MTMR3: variants seen among roughly 807,000 people sequenced by gnomAD.
MTMR3 encodes phosphatidylinositol-3,5-bisphosphate 3-phosphatase MTMR3.
MTMR3 carries 32 observed loss-of-function variants against 132.4 expected under a neutral mutation model. That is an observed-to-expected ratio of 0.24 (90% CI 0.18 to 0.32). MTMR3 has a LOEUF of 0.32. Among genes scored for constraint, MTMR3 ranks in the 10% least tolerant of loss-of-function variants. MTMR3 has a pLI of 1.00. For synonymous variants in MTMR3, 556 were observed against 550.3 expected, an observed-to-expected ratio of 1.01 and a Z score of -0.14; for missense variants, 1,216 against 1,489.6, an observed-to-expected ratio of 0.82 and a Z score of 3.02.
intron 5 of MTMR3, 107 bp downstream of exon 5, chr22:29,979,159 A>C (rs1028872051): frequency 1.3e-6 from 1 of 779,070 alleles, no homozygotes; most frequent in African/African-American, 1.7e-5. Flanking sequence ...GAGAGAAAGC[A>C]TTATGTGCTC....
intron 1 of MTMR3, among the ~76,000 whole-genome samples, chr22:29,933,936 C>T (rs1019432298): frequency 3.3e-5 from 5 of 152,036 alleles, no homozygotes; most frequent in African/African-American, 1.2e-4. Context: ...TGTGGTTGTC[C>T]AGCCATACAT....
chr22:29,943,011 A>C (rs1199805394), intron 1 of MTMR3, among the ~76,000 whole-genome samples: 4 of 152,176 alleles, frequency 2.6e-5, no homozygotes, highest in Non-Finnish European at 5.9e-5. Flanking sequence ...AGTGTCTGTG[A>C]AATCTTCATA....
intron 17 of MTMR3, 96 bp from the exon 18 acceptor site, chr22:30,021,933 A>T: frequency 4.2e-6 from 4 of 956,880 alleles, no homozygotes; most frequent in Non-Finnish European, 6.7e-6. Context: ...ACTCGGCCCC[A>T]CCCAGAGTCC....
At chr22:29,962,525 G>T (rs751044391) in intron 2 of MTMR3, among the ~76,000 whole-genome samples, 3 of 152,070 alleles carry the variant, frequency 2.0e-5, no homozygotes, top group Non-Finnish European at 2.9e-5. Context: ...AATAAAAATA[G>T]CCGGGTGTGG....
chr22:30,017,974 A>G lies in MTMR3; in HGVS notation c.1722A>G (p.Ala574=), dbSNP rs1288515607. 6.2e-7 allele frequency: 1 copy of G among 1,613,826 alleles called. No individual in the cohort carries two copies. The highest frequency in any genetic ancestry group is 1.1e-5 in the South Asian group (1 of 91,030). Residue 574 remains alanine, a synonymous_variant, in exon 16 of 20, where the codon GCA becomes GCG. Coordinates refer to ENST00000401950, the MANE Select transcript of MTMR3 (RefSeq NM_021090.4). ...TGCGTAACCTGATGCTGTGGAGTGCAGTGTACCTGCCCTGCCCATCCCCAA... is the reference window on the plus strand; with the variant it reads ...TGCGTAACCTGATGCTGTGGAGTGCGGTGTACCTGCCCTGCCCATCCCCAA... The part of the protein sequence containing the change: ...CHVRNLMLWS[A]VYLPCPSPTT...
intron 12 of MTMR3, 93 bp downstream of exon 12, chr22:30,009,222 A>T: frequency 1.1e-6 from 1 of 881,738 alleles, no homozygotes; most frequent in Non-Finnish European, 1.8e-6. Flanking sequence ...AGAAAAAAAA[A>T]TTAATTTGGA....
At chr22:30,007,431 C>T in intron 10 of MTMR3, 112 bp downstream of exon 10, 1 of 1,041,926 alleles carries the variant, frequency 9.6e-7, no homozygotes, top group Non-Finnish European at 1.4e-6. Flanking sequence ...AGTGAATGTG[C>T]AGAGCTTCAC....
chr22:29,952,951 A>T (rs1013982748), intron 1 of MTMR3, among the ~76,000 whole-genome samples: 15 of 152,226 alleles, frequency 9.9e-5, no homozygotes, highest in Non-Finnish European at 2.9e-5. Flanking sequence ...AGCTGAAAAA[A>T]ATCACCTAAA....
At chr22:29,963,166 C>T (rs560156202) in intron 2 of MTMR3, among the ~76,000 whole-genome samples, 3 of 152,080 alleles carry the variant, frequency 2.0e-5, no homozygotes, top group African/African-American at 7.2e-5. Flanking sequence ...GGGCTGGTCC[C>T]GAACTCCTGG....
chr22:30,011,945 C>CT lies in MTMR3; in HGVS notation c.1122-413dup, dbSNP rs575070672. 9.6e-3 allele frequency: 1,460 copies of CT among 151,702 alleles called. 21 individuals carry two copies. Among genetic ancestry groups the CT allele is most frequent in the African/African-American group, 0.028 (1,121 of 40,082 alleles). The allele number at this position is 151,702 out of a possible 1,614,324, so 9.4% of individuals were successfully genotyped here. ...ATGAGTTTTTCTTTTCTTTTCTTTT[C>CT]TTTTTTTTTTGAGAACTTGTTGGGC... On this transcript the variant is annotated intron_variant, in intron 12 of 19. Coordinates refer to ENST00000401950, the MANE Select transcript of MTMR3 (RefSeq NM_021090.4).
intron 19 of MTMR3, 39 bp from the exon 20 acceptor site, chr22:30,025,591 G>A: frequency 1.2e-6 from 2 of 1,610,380 alleles, no homozygotes; most frequent in Non-Finnish European, 1.7e-6. Flanking sequence ...CATACCTGCT[G>A]GCCAAAACTA....
intron 16 of MTMR3, chr22:30,018,391 A>T: frequency 4.2e-6 from 1 of 239,328 alleles, no homozygotes; most frequent in Non-Finnish European, 7.9e-6. Flanking sequence ...GCTCCTGCCT[A>T]TTTGCCATGA....
At chr22:29,973,014 C>T (rs886297169) in intron 3 of MTMR3, among the ~76,000 whole-genome samples, 1 of 152,206 alleles carries the variant, frequency 6.6e-6, no homozygotes, top group Non-Finnish European at 1.5e-5. Context: ...TCCTAATGAT[C>T]ATTTTACTAG....
At chr22:30,019,218 A>AG (rs2067684293) in intron 16 of MTMR3, 1 of 354,976 alleles carries the variant, frequency 2.8e-6, no homozygotes, top group African/African-American at 2.1e-5. Context: ...AAAAAAAAAA[A>AG]GAAAATAGCA....
At chr22:29,989,155 A>G (rs2066912645) in intron 6 of MTMR3, 1 of 152,206 alleles carries the variant, frequency 6.6e-6, no homozygotes, top group Non-Finnish European at 1.5e-5. Flanking sequence ...TACAGGATCC[A>G]GTCTAGGTCA....
chr22:29,933,733 G>GTTT (rs758195736), intron 1 of MTMR3, among the ~76,000 whole-genome samples: 69 of 124,094 alleles, frequency 5.6e-4, no homozygotes, highest in African/African-American at 1.6e-3. Flanking sequence ...GCAGTTCTGT[G>GTTT]TTTTTTTTTT....
chr22:29,994,957 A>G (rs2067033027), intron 7 of MTMR3: 1 of 152,264 alleles, frequency 6.6e-6, no homozygotes, highest in Non-Finnish European at 1.5e-5. Context: ...CTGAAAGCTA[A>G]AAGCTTCTCT....
chr22:30,019,386 A>G, intron 16 of MTMR3, 94 bp from the exon 17 acceptor site: 4 of 1,195,438 alleles, frequency 3.3e-6, no homozygotes, highest in Non-Finnish European at 4.6e-6. Context: ...TAATGGACCC[A>G]GTTATGAAAC....
chr22:29,975,406 T>C (rs2066610927), intron 3 of MTMR3, among the ~76,000 whole-genome samples: 1 of 152,216 alleles, frequency 6.6e-6, no homozygotes, highest in Non-Finnish European at 1.5e-5. Context: ...AATATTTGGC[T>C]TAATAGATGA....
Sources: gnomAD v4.1 joint callset for allele counts (sites outside exome capture counted in the v4.1 genomes callset) on GRCh38, gnomAD v4.1.1 for gene constraint, MANE v1.5 for transcripts, NCBI Gene and HGNC (gene_info 2026-07-23, HGNC 2026-07-21) for gene names.